Variants in DDX4 observed in about 807,000 individuals in gnomAD.
The protein encoded by DDX4 is probable ATP-dependent RNA helicase DDX4.
DDX4 carries 25 observed loss-of-function variants against 100.0 expected under a neutral mutation model. The ratio of observed to expected loss-of-function variants is 0.25; its 90% CI spans 0.18 to 0.35. DDX4 has a LOEUF of 0.35. Ranked by LOEUF, DDX4 falls within the 10% of genes least tolerant of loss-of-function variation. DDX4 has a pLI of 1.00. For synonymous variants in DDX4, 259 were observed against 275.7 expected, an observed-to-expected ratio of 0.94 and a Z score of 0.60; for missense variants, 635 against 882.4, an observed-to-expected ratio of 0.72 and a Z score of 3.55.
intron 18 of DDX4, among the ~76,000 whole-genome samples, chr5:55,803,864 A>T (rs1318591833): frequency 6.6e-6 from 1 of 152,174 alleles, no homozygotes; most frequent in Admixed American, 6.5e-5. Context: ...GCTGGGTCAA[A>T]TGGTATTTCT....
intron 3 of DDX4, among the ~76,000 whole-genome samples, chr5:55,755,388 C>G (rs1759860049): frequency 6.6e-6 from 1 of 152,082 alleles, no homozygotes; most frequent in Admixed American, 6.6e-5. Context: ...TGAATGTTAT[C>G]AAATGGCTTT....
chr5:55,791,507 G>A (rs1444529747), intron 16 of DDX4, among the ~76,000 whole-genome samples: 1 of 152,130 alleles, frequency 6.6e-6, no homozygotes, highest in African/African-American at 2.4e-5. Flanking sequence ...TTCATGCAAA[G>A]GTAAGAGGTT....
intron 7 of DDX4, among the ~76,000 whole-genome samples, chr5:55,772,226 A>G (rs530689542): frequency 2.0e-5 from 3 of 152,286 alleles, no homozygotes; most frequent in South Asian, 2.1e-4. Context: ...AAAAAAAGTA[A>G]TTGTCATTAA....
At chr5:55,793,825 T>A (rs1232315000) in intron 17 of DDX4, among the ~76,000 whole-genome samples, 1 of 152,232 alleles carries the variant, frequency 6.6e-6, no homozygotes, top group Non-Finnish European at 1.5e-5. Flanking sequence ...ACAGTTCCAA[T>A]GTTCCAATGT....
At position 55,812,093 on chromosome 5, in the gene DDX4, C is replaced by T. The variant is rs939927720; in HGVS notation, c.1616-1580C>T. ...TAAAATGATTCTGATTCTTGTAATA[C>T]GTTTTTTCAAAAGTTTAATATAGTT... On this transcript the variant is annotated intron_variant, in intron 18 of 21. Coordinates refer to ENST00000505374, the MANE Select transcript of DDX4 (RefSeq NM_024415.3). Among the ~76,000 whole-genome samples the T allele has an allele frequency of 7.9e-5, 12 of 152,030 alleles. No homozygotes were observed. In the South Asian group the frequency reaches 2.1e-3, roughly 26 times the overall value.
At chr5:55,772,282 T>C (rs1741302593) in intron 7 of DDX4, among the ~76,000 whole-genome samples, 1 of 152,186 alleles carries the variant, frequency 6.6e-6, no homozygotes, top group African/African-American at 2.4e-5. Flanking sequence ...ATATACATTT[T>C]TTTTCCATAT....
At chr5:55,805,241 T>C (rs1419264668) in intron 18 of DDX4, among the ~76,000 whole-genome samples, 1 of 152,166 alleles carries the variant, frequency 6.6e-6, no homozygotes, top group African/African-American at 2.4e-5. Context: ...GATGGGGTTT[T>C]CTAGATATAC....
chr5:55,767,936 A>T lies in DDX4; in HGVS notation c.390A>T (p.Arg130Ser). ...NPTRNRGFSK[R>S]GGYRDGNNSE... is the part of the protein sequence containing the mutation. ...CACGGAACAGAGGGTTTTCCAAGAG[A>T]GGCGGTAAGGACCACATTTTGGAAC... is the stretch of plus-strand genomic sequence containing the variant. The change falls in exon 7 of 22, where the codon AGA (arginine) becomes AGT (serine). Residue 130 changes from arginine to serine, a missense_variant. Coordinates refer to ENST00000505374, the MANE Select transcript of DDX4 (RefSeq NM_024415.3). 6.2e-7 allele frequency: 1 copy of T among 1,613,936 alleles called. No individual in the cohort carries two copies. Among genetic ancestry groups the T allele is most frequent in the Non-Finnish European group, 8.5e-7 (1 of 1,179,842 alleles).
At chr5:55,759,880 T>G (rs1263383481) in intron 3 of DDX4, among the ~76,000 whole-genome samples, 1 of 152,192 alleles carries the variant, frequency 6.6e-6, no homozygotes, top group African/African-American at 2.4e-5. Context: ...TAAGACTGTT[T>G]TCCATTTTTT....
intron 3 of DDX4, among the ~76,000 whole-genome samples, chr5:55,749,502 A>C (rs1430404436): frequency 6.6e-6 from 1 of 152,144 alleles, no homozygotes; most frequent in Non-Finnish European, 1.5e-5. Flanking sequence ...CTGGTTAGAA[A>C]GTCAGCTCTG....
At chr5:55,742,854 T>TA (rs1309103434) in intron 2 of DDX4, among the ~76,000 whole-genome samples, 2 of 152,168 alleles carry the variant, frequency 1.3e-5, no homozygotes, top group African/African-American at 4.8e-5. Flanking sequence ...AAAAGTACTA[T>TA]AAAAAATTAG....
chr5:55,774,573 T>A (rs1200868543), intron 7 of DDX4, among the ~76,000 whole-genome samples: 2 of 152,246 alleles, frequency 1.3e-5, no homozygotes, highest in African/African-American at 2.4e-5. Context: ...TTTGGTGTTA[T>A]AACTAGAAAA....
At chr5:55,804,395 C>T (rs1366522372) in intron 18 of DDX4, among the ~76,000 whole-genome samples, 1 of 152,000 alleles carries the variant, frequency 6.6e-6, no homozygotes, top group African/African-American at 2.4e-5. Flanking sequence ...GAAGTCCTTG[C>T]CCATGCCTAT....
intron 15 of DDX4, among the ~76,000 whole-genome samples, chr5:55,788,594 A>G (rs1046879643): frequency 1.3e-5 from 2 of 152,214 alleles, no homozygotes; most frequent in African/African-American, 4.8e-5. Flanking sequence ...ATAATTTCCT[A>G]TTCTTTTACA....
chr5:55,798,812 A>G (rs895196683), intron 18 of DDX4, among the ~76,000 whole-genome samples: 4 of 152,188 alleles, frequency 2.6e-5, no homozygotes, highest in Non-Finnish European at 4.4e-5. Flanking sequence ...CATTTTAACT[A>G]TTCCACCAGA....
intron 18 of DDX4, among the ~76,000 whole-genome samples, chr5:55,800,485 G>A (rs1244460708): frequency 4.6e-5 from 7 of 151,994 alleles, no homozygotes; most frequent in Admixed American, 3.3e-4. Context: ...CACCATACCC[G>A]GCTAATTTTT....
chr5:55,815,561 C>T (rs749817484), intron 21 of DDX4, 138 bp downstream of exon 21: 14 of 1,233,884 alleles, frequency 1.1e-5, no homozygotes, highest in Non-Finnish European at 1.5e-5. Context: ...TTTATTATTT[C>T]ATTAACATTT....
chr5:55,798,713 A>C, intron 18 of DDX4, 142 bp downstream of exon 18: 1 of 646,150 alleles, frequency 1.5e-6, no homozygotes, highest in Non-Finnish European at 2.3e-6. Flanking sequence ...TTTATAAAAA[A>C]TTTTATGATT....
chr5:55,743,911 C>CTTTTTTTT (rs35808138), intron 2 of DDX4, among the ~76,000 whole-genome samples: 1 of 113,470 alleles, frequency 8.8e-6, no homozygotes, highest in African/African-American at 3.2e-5. Flanking sequence ...TAAAACCAGC[C>CTTTTTTTT]TTTTTTTTTT....
Sources: allele counts gnomAD v4.1 joint callset (sites outside exome capture counted in the v4.1 genomes callset), GRCh38; gene constraint gnomAD v4.1.1; transcripts MANE v1.5; gene names NCBI Gene and HGNC (gene_info 2026-07-23, HGNC 2026-07-21).